The following DEPDC4 variants were observed in gnomAD, a reference collection of about 807,000 sequenced individuals.
DEPDC4 encodes DEP domain containing 4.
In DEPDC4, 52 loss-of-function variants were observed where a neutral mutation model predicts 52.0. The observed-to-expected ratio is 1.00, with a 90% confidence interval of 0.80 to 1.26. The LOEUF (loss-of-function observed/expected upper bound fraction) is 1.26. Ranked by LOEUF, DEPDC4 falls within the 50% of genes most tolerant of loss-of-function variation. The pLI is 0.00. For missense variants in DEPDC4, 530 were observed against 546.9 expected (o/e 0.97, Z 0.31); for synonymous variants, 201 against 196.8 (o/e 1.02, Z -0.18).
chr12:100,234,150 A>G (rs1157330430), intron 9 of DEPDC4, among the ~76,000 whole-genome samples: 1 of 152,208 alleles, frequency 6.6e-6, no homozygotes. Flanking sequence ...TTATGTGGAT[A>G]GTACCTGTCA....
downstream of DEPDC4, among the ~76,000 whole-genome samples, chr12:100,236,000 G>A (rs2096140852): frequency 6.6e-6 from 1 of 152,186 alleles, no homozygotes; most frequent in African/African-American, 2.4e-5. Flanking sequence ...ATCCCATCCA[G>A]GTTGCTGCGA....
chr12:100,275,655 G>A, the DEPDC4 span, among the ~76,000 whole-genome samples: 3 of 152,116 alleles, frequency 2.0e-5, no homozygotes, highest in Non-Finnish European at 2.9e-5. Context: ...TTTGCAGTCC[G>A]AATGCCTTTT....
At chr12:100,266,354 C>A (rs1379434023) in intron 1 of DEPDC4, among the ~76,000 whole-genome samples, 1 of 152,050 alleles carries the variant, frequency 6.6e-6, no homozygotes, top group Non-Finnish European at 1.5e-5. Context: ...GTGGGCAGAG[C>A]GGAGACTGAG....
At chr12:100,256,358 T>G (rs1008745731) in intron 3 of DEPDC4, 132 bp from the exon 4 acceptor site, 9 of 558,970 alleles carry the variant, frequency 1.6e-5, no homozygotes, top group Non-Finnish European at 2.7e-5. Flanking sequence ...ATGGGTTAAT[T>G]TAATGCTTAG....
intron 9 of DEPDC4, among the ~76,000 whole-genome samples, chr12:100,232,885 AAAAACAAAAC>A (rs199802902): frequency 4.6e-5 from 7 of 151,962 alleles, no homozygotes; most frequent in African/African-American, 1.2e-4. Flanking sequence ...ACTCCATCTC[AAAAACAAAAC>A]AAAACAAAAC....
At chr12:100,277,573 A>C in the DEPDC4 span, among the ~76,000 whole-genome samples, 1 of 152,156 alleles carries the variant, frequency 6.6e-6, no homozygotes, top group Non-Finnish European at 1.5e-5. Flanking sequence ...ATACTTTCAC[A>C]TTCTTTTACC....
intron 3 of DEPDC4, among the ~76,000 whole-genome samples, chr12:100,259,586 T>C (rs1023764358): frequency 2.0e-5 from 3 of 152,242 alleles, no homozygotes; most frequent in Non-Finnish European, 4.4e-5. Context: ...GTAAACATGC[T>C]GTATTGCTCT....
upstream of DEPDC4, chr12:100,267,098 C>T: frequency 3.7e-6 from 6 of 1,609,512 alleles, no homozygotes; most frequent in African/African-American, 1.3e-5. Flanking sequence ...ACCTGACACC[C>T]GGGGCGGAGA....
At chr12:100,264,920 C>T (rs533181602) in intron 1 of DEPDC4, among the ~76,000 whole-genome samples, 10 of 152,152 alleles carry the variant, frequency 6.6e-5, no homozygotes, top group African/African-American at 1.9e-4. Context: ...GCTGAACTTA[C>T]TCTCCAAATA....
chr12:100,252,606 G>A, intron 5 of DEPDC4, 70 bp from the exon 6 acceptor site: 1 of 1,412,224 alleles, frequency 7.1e-7, no homozygotes. Flanking sequence ...TATTTACTTA[G>A]TAGTCAATTA....
intron 8 of DEPDC4, among the ~76,000 whole-genome samples, chr12:100,244,562 A>C (rs1019392243): frequency 1.3e-5 from 2 of 151,084 alleles, no homozygotes; most frequent in Middle Eastern, 3.2e-3. Flanking sequence ...TGCAGCCTGG[A>C]CCTCCTGCAG....
intron 1 of DEPDC4, 151 bp downstream of exon 1, chr12:100,266,769 C>G (rs1181858893): frequency 9.2e-6 from 10 of 1,091,038 alleles, no homozygotes; most frequent in African/African-American, 1.6e-5. Context: ...GTCCTGGGTC[C>G]CCCAGTCCAG....
intron 8 of DEPDC4, among the ~76,000 whole-genome samples, chr12:100,246,123 GTT>G (rs34475855): frequency 1.5e-5 from 2 of 135,406 alleles, no homozygotes; most frequent in African/African-American, 2.7e-5. Flanking sequence ...CTACGCCTGG[GTT>G]TTTTTTTTTT....
intron 7 of DEPDC4, among the ~76,000 whole-genome samples, chr12:100,251,826 C>A (rs2153909671): frequency 6.6e-6 from 1 of 152,102 alleles, no homozygotes; most frequent in East Asian, 1.9e-4. Context: ...ACCTGGGCCT[C>A]CTAAAGTGCT....
chr12:100,246,227 A>G (rs2096184866), intron 8 of DEPDC4, among the ~76,000 whole-genome samples: 1 of 151,660 alleles, frequency 6.6e-6, no homozygotes, highest in African/African-American at 2.4e-5. Flanking sequence ...TAATTCTTTA[A>G]GCTCCTATTC....
chr12:100,256,351 G>A, intron 3 of DEPDC4, 125 bp from the exon 4 acceptor site: 4 of 583,968 alleles, frequency 6.8e-6, no homozygotes, highest in South Asian at 6.6e-5. Context: ...TAATATAATG[G>A]GTTAATTTAA....
intron 7 of DEPDC4, 102 bp downstream of exon 7, chr12:100,252,074 T>C (rs2096210427): frequency 9.8e-7 from 1 of 1,021,142 alleles, no homozygotes; most frequent in African/African-American, 1.7e-5. Flanking sequence ...ACTTTGCACA[T>C]TATAGGTACT....
rs761582498 is a variant in DEPDC4 at position 100,262,427 on chromosome 12, G to A, written c.555-18C>T. 3.2e-5 allele frequency: 50 copies of A among 1,577,966 alleles called. No individual in the cohort carries two copies. The Admixed American group carries it at 4.4e-4, about 14-fold the overall frequency. On this transcript the variant is annotated intron_variant, in intron 2 of 9. Transcript: ENST00000550587. ...ATCCTGGTCTGTTAAAAAATAATAC[G>A]TGGCTCTTTTCATTATACACAGAAC...
chr12:100,263,258 A>T (rs1283593940), intron 2 of DEPDC4, among the ~76,000 whole-genome samples: 1 of 152,226 alleles, frequency 6.6e-6, no homozygotes, highest in Non-Finnish European at 1.5e-5. Context: ...CACCCTTTTA[A>T]AGTGTATAAC....
Sources: allele counts gnomAD v4.1 joint callset (sites outside exome capture counted in the v4.1 genomes callset), GRCh38; gene constraint gnomAD v4.1.1; transcripts MANE v1.5; gene names NCBI Gene and HGNC (gene_info 2026-07-23, HGNC 2026-07-21).